Variants in ZNF169 observed in about 807,000 individuals in gnomAD.
ZNF169 encodes the protein zinc finger protein 169.
In ZNF169, 11 loss-of-function variants were observed where a neutral mutation model predicts 12.0. The ratio of observed to expected loss-of-function variants is 0.92; its 90% CI spans 0.58 to 1.52. The LOEUF (loss-of-function observed/expected upper bound fraction) is 1.52. Among genes scored for constraint, ZNF169 ranks in the 40% most tolerant of loss-of-function variants. The probability of loss-of-function intolerance (pLI) is 0.00; values close to 1 mark genes in which losing one functional copy is unlikely to be tolerated. For missense variants in ZNF169, 722 were observed against 744.0 expected (o/e 0.97, Z 0.34); for synonymous variants, 302 against 286.5 (o/e 1.05, Z -0.55).
intron 1 of ZNF169, among the ~76,000 whole-genome samples, chr9:94,270,737 T>A (rs1187652584): frequency 3.1e-5 from 1 of 32,072 alleles, no homozygotes; most frequent in Non-Finnish European, 6.4e-5. Flanking sequence ...TATTATATAA[T>A]TAATGTATTT....
chr9:94,300,763 A>C lies in ZNF169; in HGVS notation c.1205A>C (p.Tyr402Ser). 1 of 1,611,408 alleles carries C rather than the reference A, an allele frequency of 6.2e-7. No individual in the cohort carries two copies. The highest frequency in any genetic ancestry group is 8.5e-7 in the Non-Finnish European group (1 of 1,179,234). Residue 402 changes from tyrosine (Y) to serine (S), a missense_variant, in exon 5 of 5, where the codon TAT (tyrosine) becomes TCT (serine). By Grantham distance (144) the Tyr-to-Ser change is moderately radical. Transcript: ENST00000395395. ...HQVTHSGEKPYVCAECGHSFR... is the reference protein window; with the variant it reads ...HQVTHSGEKPSVCAECGHSFR... ...GTCACACACTCAGGAGAGAAGCCTT[A>C]TGTCTGTGCTGAGTGTGGGCACAGC...
intron 1 of ZNF169, among the ~76,000 whole-genome samples, chr9:94,270,694 A>G (rs1314247630): frequency 2.1e-5 from 1 of 46,694 alleles, no homozygotes; most frequent in Non-Finnish European, 5.2e-5. Flanking sequence ...ATAAATATAT[A>G]ATTTATATAA....
chr9:94,289,970 AT>A (rs1238709122), intron 2 of ZNF169, among the ~76,000 whole-genome samples: 1 of 152,238 alleles, frequency 6.6e-6, no homozygotes, highest in Non-Finnish European at 1.5e-5. Context: ...AACAGAATGC[AT>A]ATTCTTTTCA....
At chr9:94,266,389 G>A (rs900392093) in intron 1 of ZNF169, among the ~76,000 whole-genome samples, 19 of 152,290 alleles carry the variant, frequency 1.2e-4, no homozygotes, top group African/African-American at 3.4e-4. Flanking sequence ...AGATGGGGTC[G>A]TTGTTACGGA....
intron 1 of ZNF169, among the ~76,000 whole-genome samples, chr9:94,259,974 A>G (rs972540488): frequency 1.2e-4 from 17 of 146,302 alleles, no homozygotes; most frequent in African/African-American, 4.1e-4. Context: ...ATCTCGGTTC[A>G]CTGCAATCTC....
chr9:94,289,575 T>G (rs1280725813), intron 2 of ZNF169, among the ~76,000 whole-genome samples: 1 of 152,196 alleles, frequency 6.6e-6, no homozygotes, highest in East Asian at 1.9e-4. Context: ...GGATCACCTG[T>G]GGTCAGGAGT....
At position 94,300,307 on chromosome 9, in the gene ZNF169, T is replaced by G. The variant is rs1406231082; in HGVS notation, c.749T>G (p.Ile250Ser). The G allele has an allele frequency of 1.2e-6, 2 of 1,613,976 alleles. No individual in the cohort carries two copies. The highest frequency in any genetic ancestry group is 1.7e-6 in the Non-Finnish European group (2 of 1,180,018). ...GGCTTTTGCCAGAGATCAGACCTTA[T>G]CAAGCACCAGAGGACACACACCGGG... ...GRGFCQRSDL[I>S]KHQRTHTGEK... Residue 250 changes from isoleucine (I) to serine (S), a missense_variant, in exon 5 of 5, where the codon ATC becomes AGC. Physicochemically the swap from Ile to Ser is moderately radical, Grantham distance 142. Coordinates refer to ENST00000395395, the MANE Select transcript of ZNF169 (RefSeq NM_194320.4).
chr9:94,275,950 T>G (rs1028848017), intron 1 of ZNF169, among the ~76,000 whole-genome samples: 1 of 151,844 alleles, frequency 6.6e-6, no homozygotes, highest in African/African-American at 2.4e-5. Flanking sequence ...GTTTTTATAT[T>G]TTTAGTAGAG....
intron 2 of ZNF169, among the ~76,000 whole-genome samples, chr9:94,280,369 C>T (rs546912592): frequency 7.2e-5 from 11 of 152,278 alleles, no homozygotes; most frequent in African/African-American, 2.6e-4. Context: ...GAGAAGCATT[C>T]TAGCAAAACA....
At chr9:94,270,942 A>G (rs1309077975) in intron 1 of ZNF169, among the ~76,000 whole-genome samples, 1 of 45,304 alleles carries the variant, frequency 2.2e-5, no homozygotes, top group African/African-American at 1.1e-4. Context: ...TATATAATAT[A>G]TTATATAAAT....
intron 2 of ZNF169, among the ~76,000 whole-genome samples, chr9:94,283,297 A>T (rs1830671782): frequency 6.6e-6 from 1 of 152,082 alleles, no homozygotes; most frequent in Admixed American, 6.6e-5. Flanking sequence ...AGTCCCAGCT[A>T]CTCGGAAGGC....
intron 1 of ZNF169, among the ~76,000 whole-genome samples, chr9:94,274,481 T>C (rs1427662328): frequency 6.6e-6 from 1 of 152,226 alleles, no homozygotes; most frequent in Non-Finnish European, 1.5e-5. Flanking sequence ...AAATATCTTA[T>C]TGTTATTGAT....
intron 2 of ZNF169, among the ~76,000 whole-genome samples, chr9:94,284,819 A>G (rs1260268706): frequency 6.6e-6 from 1 of 152,198 alleles, no homozygotes; most frequent in African/African-American, 2.4e-5. Context: ...TACTACCCAA[A>G]ATGATCTATA....
At chr9:94,285,998 C>G (rs1165877765) in intron 2 of ZNF169, among the ~76,000 whole-genome samples, 1 of 151,600 alleles carries the variant, frequency 6.6e-6, no homozygotes, top group Middle Eastern at 3.4e-3. Flanking sequence ...GCAACAAGAG[C>G]GAAACTCCAT....
At chr9:94,279,720 G>T (rs62579660) in intron 2 of ZNF169, among the ~76,000 whole-genome samples, 8 of 152,004 alleles carry the variant, frequency 5.3e-5, no homozygotes, top group African/African-American at 1.9e-4. Context: ...ATCCCTCACC[G>T]TGTGGGAAGC....
intron 1 of ZNF169, among the ~76,000 whole-genome samples, chr9:94,273,624 G>T (rs1830467122): frequency 7.4e-6 from 1 of 135,508 alleles, no homozygotes; most frequent in South Asian, 2.3e-4. Flanking sequence ...CTGTCGCCCA[G>T]GCTGGAGTGC....
chr9:94,263,118 A>G (rs956685639), intron 1 of ZNF169, among the ~76,000 whole-genome samples: 1 of 151,546 alleles, frequency 6.6e-6, no homozygotes, highest in Admixed American at 6.6e-5. Context: ...TATTATGTTC[A>G]AATCTTGTAT....
At chr9:94,290,740 A>G (rs998820752) in intron 2 of ZNF169, among the ~76,000 whole-genome samples, 2 of 152,194 alleles carry the variant, frequency 1.3e-5, no homozygotes, top group Non-Finnish European at 2.9e-5. Flanking sequence ...GTGTACAAGT[A>G]TCTGTTTGAG....
In ZNF169 at chr9:94,292,607, T is replaced by TTGTGTGTGTG. The variant is rs138361295; in HGVS notation, c.160+165_160+174dup. 2.4e-3 allele frequency: 1,608 copies of TTGTGTGTGTG among 678,100 alleles called. 2 individuals are homozygous for TTGTGTGTGTG. Among genetic ancestry groups the TTGTGTGTGTG allele is most frequent in the East Asian group, 0.017 (570 of 32,748 alleles). 42.0% of individuals were successfully genotyped at this position (678,100 alleles called of 1,614,324 possible). ...AGAATGCCTGGCTTTCACAGTGCAG[T>TTGTGTGTGTG]TGTGTGTGTGTGTGTGTGTGTGTGT... On this transcript the variant is annotated intron_variant, in intron 3 of 4. Transcript: ENST00000395395.
Sources: allele counts gnomAD v4.1 joint callset (sites outside exome capture counted in the v4.1 genomes callset), GRCh38; gene constraint gnomAD v4.1.1; transcripts MANE v1.5; gene names NCBI Gene and HGNC (gene_info 2026-07-23, HGNC 2026-07-21).